The following DCLK2 variants were observed in gnomAD, a reference collection of about 807,000 sequenced individuals.
The protein encoded by DCLK2 is serine/threonine-protein kinase DCLK2.
A neutral mutation model predicts 78.4 loss-of-function variants in DCLK2; 31 were observed. That is an observed-to-expected ratio of 0.40 (90% confidence interval 0.30 to 0.53). DCLK2 has a LOEUF of 0.53. Ranked by LOEUF, DCLK2 falls within the 20% of genes least tolerant of loss-of-function variation. The pLI is 0.61. For synonymous variants in DCLK2, 407 were observed against 374.9 expected, an observed-to-expected ratio of 1.09 and a Z score of -0.99; for missense variants, 872 against 973.7, an observed-to-expected ratio of 0.90 and a Z score of 1.39.
In DCLK2 at chr4:150,232,786, C is replaced by T. The variant is rs754984375; in HGVS notation, c.1524C>T (p.Gly508=). The T allele has an allele frequency of 6.2e-7, 1 of 1,614,112 alleles. No individual in the cohort carries two copies. Among genetic ancestry groups the T allele is most frequent in the South Asian group, 1.1e-5 (1 of 91,072 alleles). The change falls in exon 10 of 16, where the codon GGC becomes GGT. Residue 508 remains glycine, a synonymous_variant. Coordinates refer to ENST00000296550, the MANE Select transcript of DCLK2 (RefSeq NM_001040260.4). The part of the protein sequence containing the change: ...NLANALRYLH[G]LSIVHRDIKP... The stretch of plus-strand genomic sequence containing the variant: ...CCAATGCCCTCAGGTATCTCCATGG[C>T]CTCAGCATCGTGCACAGAGACATCA...
Position 150,193,147 on chromosome 4 carries a change from C to T in DCLK2, c.766C>T (p.Leu256=), listed in dbSNP as rs1415599523. 6.2e-7 allele frequency: 1 copy of T among 1,606,388 alleles called. No homozygotes were observed. Among genetic ancestry groups the T allele is most frequent in the African/African-American group, 1.3e-5 (1 of 74,836 alleles). The change falls in exon 3 of 16, where the codon CTG becomes TTG. Residue 256 remains leucine, a synonymous_variant. Transcript: ENST00000296550. ...TGATTTTTGTTCTCAGGTTACTTGTCTGCAAGACTTTTTTGGTGATGACGA... is the reference window on the plus strand; with the variant it reads ...TGATTTTTGTTCTCAGGTTACTTGTTTGCAAGACTTTTTTGGTGATGACGA... ...CTLDGKQVTC[L]QDFFGDDDVF...
At chr4:150,197,550 T>C (rs1413577876) in intron 3 of DCLK2, among the ~76,000 whole-genome samples, 1 of 152,054 alleles carries the variant, frequency 6.6e-6, no homozygotes, top group Non-Finnish European at 1.5e-5. Context: ...GGTCAGGAGT[T>C]TGAGACCAGC....
chr4:150,187,852 T>G (rs1429150866), intron 2 of DCLK2, among the ~76,000 whole-genome samples: 1 of 147,744 alleles, frequency 6.8e-6, no homozygotes, highest in African/African-American at 2.5e-5. Flanking sequence ...TAGGCTGGAG[T>G]GCAGTGGTGC....
chr4:150,241,122 C>T (rs1742899664), intron 12 of DCLK2, among the ~76,000 whole-genome samples: 1 of 152,144 alleles, frequency 6.6e-6, no homozygotes, highest in Admixed American at 6.5e-5. Context: ...CAAGTTTGTT[C>T]TCATAGAAAC....
chr4:150,247,821 C>T (rs759945689), intron 13 of DCLK2, 122 bp downstream of exon 13: 1 of 736,522 alleles, frequency 1.4e-6, no homozygotes, highest in Non-Finnish European at 2.2e-6. Context: ...ATGTGTGGTT[C>T]TTCTTTTAAG....
chr4:150,095,572 C>T (rs1034946210), intron 1 of DCLK2, among the ~76,000 whole-genome samples: 1 of 152,170 alleles, frequency 6.6e-6, no homozygotes, highest in Non-Finnish European at 1.5e-5. Context: ...GAGCAATGCT[C>T]CTATGAACAT....
intron 2 of DCLK2, among the ~76,000 whole-genome samples, chr4:150,128,601 A>C (rs1323340964): frequency 6.6e-6 from 1 of 152,196 alleles, no homozygotes; most frequent in Non-Finnish European, 1.5e-5. Context: ...AAGCTGTTTT[A>C]GACAATATTA....
chr4:150,087,703 C>A (rs934853200), intron 1 of DCLK2, among the ~76,000 whole-genome samples: 2 of 152,112 alleles, frequency 1.3e-5, no homozygotes, highest in African/African-American at 4.8e-5. Flanking sequence ...TGTCTAGATT[C>A]TTCTTGGCCT....
chr4:150,196,075 C>T (rs766865762), intron 3 of DCLK2, among the ~76,000 whole-genome samples: 94 of 152,064 alleles, frequency 6.2e-4, no homozygotes, highest in Non-Finnish European at 1.1e-3. Context: ...TTTTTTTAAT[C>T]AGTTATTTAA....
intron 2 of DCLK2, among the ~76,000 whole-genome samples, chr4:150,138,622 C>T (rs913994995): frequency 2.0e-5 from 3 of 152,150 alleles, no homozygotes; most frequent in Non-Finnish European, 4.4e-5. Flanking sequence ...TTTATATAGA[C>T]CAGGCCTCAT....
intron 1 of DCLK2, among the ~76,000 whole-genome samples, chr4:150,099,433 T>G (rs1341560655): frequency 6.6e-6 from 1 of 152,188 alleles, no homozygotes; most frequent in Non-Finnish European, 1.5e-5. Flanking sequence ...CAGCATATTC[T>G]CTCCTTGTAG....
intron 15 of DCLK2, among the ~76,000 whole-genome samples, chr4:150,249,930 T>TG (rs1225243236): frequency 1.3e-5 from 2 of 151,904 alleles, no homozygotes; most frequent in African/African-American, 4.8e-5. Context: ...AGCTCCTGGC[T>TG]GGGCCCTCTG....
Position 150,096,665 on chromosome 4 carries a change from T to G in DCLK2, c.422-5813T>G, listed in dbSNP as rs1465550894. 2.6e-5 allele frequency among the ~76,000 whole-genome samples: 4 copies of G among 152,196 alleles called. No homozygotes were observed. The East Asian group carries it at 7.7e-4, about 29-fold the overall frequency. On this transcript the variant is annotated intron_variant, in intron 1 of 15. Coordinates refer to ENST00000296550, the MANE Select transcript of DCLK2 (RefSeq NM_001040260.4). ...GAAGAGGATTAGGACTGGTGTCCAG[T>G]GCCCTCAGAAGACACTGAAGACACT...
At chr4:150,248,226 C>G (rs987181071) in intron 13 of DCLK2, 79 bp from the exon 14 acceptor site, 13 of 1,326,540 alleles carry the variant, frequency 9.8e-6, no homozygotes, top group Non-Finnish European at 1.1e-6. Flanking sequence ...GTGCTTGCCA[C>G]AAACTCAGAT....
intron 3 of DCLK2, 45 bp from the exon 4 acceptor site, chr4:150,197,957 G>C (rs779784720): frequency 2.0e-6 from 3 of 1,512,268 alleles, no homozygotes; most frequent in Middle Eastern, 1.7e-4. Context: ...GCTTTTGGTC[G>C]TTATTAAAAC....
chr4:150,247,626 T>G lies in DCLK2; in HGVS notation c.1802T>G (p.Leu601Arg). ...FRSENNLQED[L>R]FDQILAGKLE... ...AGTGAGAACAATCTCCAGGAAGATC[T>G]CTTCGACCAGATCTTGGCTGGGAAG... Residue 601 changes from leucine (L) to arginine (R), a missense_variant, in exon 13 of 16, where the codon CTC (leucine) becomes CGC (arginine). Physicochemically the swap from Leu to Arg is moderately radical, Grantham distance 102. Transcript: ENST00000296550. The G allele has an allele frequency of 6.2e-7, 1 of 1,614,076 alleles. No homozygotes were observed. Among genetic ancestry groups the G allele is most frequent in the South Asian group, 1.1e-5 (1 of 91,084 alleles).
Position 150,142,022 on chromosome 4 carries a change from A to G in DCLK2, c.756+39210A>G, listed in dbSNP as rs568444384. 3.7e-3 allele frequency among the ~76,000 whole-genome samples: 558 copies of G among 152,344 alleles called. 2 individuals are homozygous for G. Among genetic ancestry groups the G allele is most frequent in the Middle Eastern group, 0.014 (4 of 294 alleles). Reference sequence around the variant, plus strand: ...ATTTCTGTAACAATGAAATCATACTATATTAAATTAAACTGTTTTAGTGTA... The same window carrying G: ...ATTTCTGTAACAATGAAATCATACTGTATTAAATTAAACTGTTTTAGTGTA... On this transcript the variant is annotated intron_variant, in intron 2 of 15. Coordinates refer to ENST00000296550, the MANE Select transcript of DCLK2 (RefSeq NM_001040260.4).
intron 2 of DCLK2, among the ~76,000 whole-genome samples, chr4:150,150,263 G>A (rs181980588): frequency 6.6e-6 from 1 of 152,304 alleles, no homozygotes; most frequent in Admixed American, 6.5e-5. Flanking sequence ...CAGAGCATTG[G>A]AATTGAAGGC....
chr4:150,175,899 T>G (rs1560836553), intron 2 of DCLK2, among the ~76,000 whole-genome samples: 1 of 152,172 alleles, frequency 6.6e-6, no homozygotes, highest in Admixed American at 6.5e-5. Context: ...TGGCCTATTC[T>G]TCTGTCCATA....
Sources: gnomAD v4.1 joint callset for allele counts (sites outside exome capture counted in the v4.1 genomes callset) on GRCh38, gnomAD v4.1.1 for gene constraint, MANE v1.5 for transcripts, NCBI Gene and HGNC (gene_info 2026-07-23, HGNC 2026-07-21) for gene names.